The following FGF1 variants were observed in gnomAD, a reference collection of about 807,000 sequenced individuals.
The protein encoded by FGF1 is fibroblast growth factor 1, also known as beta-endothelial cell growth factor.
A neutral mutation model predicts 13.4 loss-of-function variants in FGF1; 9 were observed. The observed-to-expected ratio is 0.67, with a 90% confidence interval of 0.40 to 1.17. The LOEUF (loss-of-function observed/expected upper bound fraction) is 1.17, where lower values mean the gene tolerates loss of function less well. Among genes scored for constraint, FGF1 ranks in the 50% most tolerant of loss-of-function variants. FGF1 has a pLI of 0.01. For missense variants in FGF1, 156 were observed against 192.7 expected (o/e 0.81, Z 1.13); for synonymous variants, 93 against 79.0 (o/e 1.18, Z -0.94).
At chr5:142,663,249 G>GAAA (rs60474431) in intron 1 of FGF1, among the ~76,000 whole-genome samples, 8,203 of 138,402 alleles carry the variant, frequency 0.059, 314 homozygotes, top group Middle Eastern at 0.16. Context: ...AATCAGGAAA[G>GAAA]AAAAAAAAAA....
chr5:142,595,822 CG>C (rs1467222105), intron 3 of FGF1, among the ~76,000 whole-genome samples: 4 of 152,168 alleles, frequency 2.6e-5, no homozygotes, highest in African/African-American at 9.7e-5. Context: ...ACATTCTGCT[CG>C]ACTGTAAGTA....
At chr5:142,653,476 C>A (rs1767620769) in intron 1 of FGF1, among the ~76,000 whole-genome samples, 1 of 152,170 alleles carries the variant, frequency 6.6e-6, no homozygotes, top group African/African-American at 2.4e-5. Flanking sequence ...CTCCCAGTCT[C>A]CCCTTCTAGC....
intron 1 of FGF1, among the ~76,000 whole-genome samples, chr5:142,684,066 C>T (rs527581710): frequency 2.6e-5 from 4 of 152,296 alleles, no homozygotes; most frequent in East Asian, 3.9e-4. Flanking sequence ...ACTGCGGACT[C>T]GCCCTGACTT....
chr5:142,605,373 G>A (rs751408465), intron 2 of FGF1, among the ~76,000 whole-genome samples: 5 of 150,164 alleles, frequency 3.3e-5, no homozygotes, highest in Non-Finnish European at 4.4e-5. Flanking sequence ...CACCCCCCTC[G>A]GCCTCCCAAA....
intron 1 of FGF1, among the ~76,000 whole-genome samples, chr5:142,683,266 A>T (rs1324699265): frequency 6.6e-6 from 1 of 152,160 alleles, no homozygotes; most frequent in African/African-American, 2.4e-5. Flanking sequence ...GGGAGCTAGC[A>T]TACAGGCTGA....
chr5:142,632,512 T>C (rs1368804139), intron 1 of FGF1, among the ~76,000 whole-genome samples: 4 of 152,192 alleles, frequency 2.6e-5, no homozygotes, highest in African/African-American at 9.7e-5. Flanking sequence ...ATCAGTCCAC[T>C]TACAAACCCT....
At chr5:142,609,525 C>T (rs1369625655) in intron 2 of FGF1, among the ~76,000 whole-genome samples, 1 of 152,298 alleles carries the variant, frequency 6.6e-6, no homozygotes, top group Non-Finnish European at 1.5e-5. Context: ...TGAGATGGGG[C>T]GGGGCTTGCT....
chr5:142,629,350 G>T (rs1424545460), intron 1 of FGF1, among the ~76,000 whole-genome samples: 1 of 152,128 alleles, frequency 6.6e-6, no homozygotes, highest in Non-Finnish European at 1.5e-5. Context: ...TTTTAGTAGA[G>T]ACAAGGTCTC....
intron 1 of FGF1, among the ~76,000 whole-genome samples, chr5:142,628,214 G>A (rs1347006074): frequency 6.6e-6 from 1 of 152,146 alleles, no homozygotes. Context: ...TTGCAGTCAA[G>A]ATGTCATTTA....
At chr5:142,616,389 A>G (rs1760246297) in intron 1 of FGF1, among the ~76,000 whole-genome samples, 1 of 152,236 alleles carries the variant, frequency 6.6e-6, no homozygotes, top group Non-Finnish European at 1.5e-5. Flanking sequence ...ATTTAAAGTC[A>G]GATCATCCCA....
At chr5:142,614,720 G>A (rs1759845259) in intron 1 of FGF1, among the ~76,000 whole-genome samples, 6 of 152,178 alleles carry the variant, frequency 3.9e-5, no homozygotes, top group Admixed American at 3.3e-4. Flanking sequence ...AGTATGTTAA[G>A]GGAAGCTTCT....
intron 1 of FGF1, among the ~76,000 whole-genome samples, chr5:142,648,888 A>T (rs1419160922): frequency 6.6e-6 from 1 of 152,106 alleles, no homozygotes; most frequent in African/African-American, 2.4e-5. Flanking sequence ...CAGATGAAGA[A>T]TATGGATGAG....
chr5:142,684,879 C>A (rs1013898806), intron 1 of FGF1, among the ~76,000 whole-genome samples: 2 of 151,866 alleles, frequency 1.3e-5, no homozygotes, highest in South Asian at 2.1e-4. Context: ...CGTAAACAAT[C>A]GCATCCCTGT....
intron 1 of FGF1, among the ~76,000 whole-genome samples, chr5:142,669,547 G>A (rs1190602996): frequency 6.6e-6 from 1 of 151,852 alleles, no homozygotes; most frequent in Admixed American, 6.6e-5. Context: ...GGAGTAATCA[G>A]AGGTGACTCG....
At chr5:142,618,928 TG>T (rs796200781) in intron 1 of FGF1, among the ~76,000 whole-genome samples, 3,839 of 77,210 alleles carry the variant, frequency 0.05, 157 homozygotes, top group African/African-American at 0.083. Context: ...TTAGTTGTTT[TG>T]TTTTTTTTTT....
chr5:142,594,997 A>C lies in FGF1; in HGVS notation c.*293T>G. On this transcript the variant is annotated 3_prime_UTR_variant, in exon 4 of 4. Coordinates refer to ENST00000337706, the MANE Select transcript of FGF1 (RefSeq NM_000800.5). ...CCCTTAACACACTTCATTTAGCCCCACTTTTGCATGGAGGGACTCAGCCTG... is the reference window on the plus strand; with the variant it reads ...CCCTTAACACACTTCATTTAGCCCCCCTTTTGCATGGAGGGACTCAGCCTG... 3.0e-6 allele frequency: 1 copy of C among 333,294 alleles called. No individual in the cohort carries two copies. The allele number at this position is 333,294 out of a possible 1,614,324, so 20.6% of individuals were successfully genotyped here.
intron 2 of FGF1, among the ~76,000 whole-genome samples, chr5:142,696,407 T>G (rs1401567992): frequency 6.6e-6 from 1 of 152,182 alleles, no homozygotes; most frequent in Non-Finnish European, 1.5e-5. Flanking sequence ...TTTCAGTCCA[T>G]GCAGTTTTGG....
chr5:142,608,517 C>CATATATATAAATATATATACACATCT (rs1195831690), intron 2 of FGF1, among the ~76,000 whole-genome samples: 12 of 114,098 alleles, frequency 1.1e-4, no homozygotes, highest in African/African-American at 3.3e-4. Context: ...TATGCATATA[C>CATATATATAAATATATATACACATCT]ATATATATAA....
intron 1 of FGF1, 47 bp from the exon 2 acceptor site, chr5:142,614,208 A>T (rs1217547910): frequency 6.8e-7 from 1 of 1,479,852 alleles, no homozygotes; most frequent in African/African-American, 1.4e-5. Flanking sequence ...CAGCAAAGGC[A>T]CAAAATGCAC....
Sources: gnomAD v4.1 joint callset for allele counts (sites outside exome capture counted in the v4.1 genomes callset) on GRCh38, gnomAD v4.1.1 for gene constraint, MANE v1.5 for transcripts, NCBI Gene and HGNC (gene_info 2026-07-23, HGNC 2026-07-21) for gene names.